MAP3K12: variants seen among roughly 807,000 people sequenced by gnomAD.
MAP3K12 encodes the protein MAPK-upstream kinase.
A neutral mutation model predicts 87.5 loss-of-function variants in MAP3K12; 14 were observed. The observed-to-expected ratio is 0.16, with a 90% CI of 0.11 to 0.25. MAP3K12 has a LOEUF of 0.25. MAP3K12 is among the 10% of genes least tolerant of loss of function. MAP3K12 has a pLI of 1.00. For missense variants in MAP3K12, 802 were observed against 1,140.4 expected (o/e 0.70, Z 4.27); for synonymous variants, 469 against 452.5 (o/e 1.04, Z -0.46).
rs1943073583 is a variant in MAP3K12, at chr12:53,482,178, T to G, written c.2343A>C (p.Leu781=). The G allele has an allele frequency of 6.2e-7, 1 of 1,614,106 alleles. No individual in the cohort carries two copies. Among genetic ancestry groups the G allele is most frequent in the Non-Finnish European group, 8.5e-7 (1 of 1,180,052 alleles). Residue 781 remains leucine (L), a synonymous_variant, in exon 13 of 14, where the codon CTA becomes CTC. Coordinates refer to ENST00000547488, the MANE Select transcript of MAP3K12 (RefSeq NM_001193511.2). ...WPQSLNMRQS[L]STFSSENPSD... ...ATGGATTCTCTGAGCTGAAGGTAGA[T>G]AGTGACTGGCGCATGTTCAGGCTCT...
upstream of MAP3K12, chr12:53,501,040 C>T (rs914032992): frequency 3.6e-6 from 1 of 275,796 alleles, no homozygotes; most frequent in East Asian, 9.0e-5. Flanking sequence ...GGCTTCCCCT[C>T]CGCTAGTACG....
At chr12:53,484,766 C>T (rs1943180186) in intron 6 of MAP3K12, 2 of 492,414 alleles carry the variant, frequency 4.1e-6, no homozygotes, top group Non-Finnish European at 7.3e-6. Flanking sequence ...ACCAACCATG[C>T]TTGGTGGTTA....
intron 4 of MAP3K12, chr12:53,485,844 C>T (rs1156903561): frequency 3.5e-6 from 2 of 576,430 alleles, no homozygotes; most frequent in Non-Finnish European, 6.0e-6. Context: ...GCGTGAGCCA[C>T]TGCATCCGGC....
rs747070768 is a variant in MAP3K12, at chr12:53,487,221, CCCA to C, written c.168_170del (p.Gly57del). The C allele has an allele frequency of 6.8e-6, 11 of 1,613,256 alleles. No individual in the cohort carries two copies. Among genetic ancestry groups the C allele is most frequent in the African/African-American group, 2.7e-5 (2 of 74,704 alleles). On this transcript the variant is annotated inframe_deletion, in exon 2 of 14. Transcript: ENST00000547488. ...AGGGGCTGGGCCCTCCCCCACCCTG[CCCA>C]CCAAGGGGTACCACATCTCGAAGTA...
intron 9 of MAP3K12, 24 bp downstream of exon 9, chr12:53,483,583 G>A (rs753140749): frequency 6.8e-6 from 11 of 1,613,912 alleles, no homozygotes; most frequent in Non-Finnish European, 9.3e-6. Context: ...CCAGGGCTTG[G>A]TGCATAAGGA....
chr12:53,491,301 A>AAAAG (rs1555212342), intron 1 of MAP3K12, among the ~76,000 whole-genome samples: 13 of 101,600 alleles, frequency 1.3e-4, no homozygotes, highest in Middle Eastern at 7.8e-3. Context: ...AAAAAAAAAA[A>AAAAG]AAAAGAAAAG....
chr12:53,483,263 C>G lies in MAP3K12; in HGVS notation c.1614-74G>C, dbSNP rs1002189211. 2.1e-5 allele frequency: 33 copies of G among 1,570,384 alleles called. No homozygotes were observed. In the African/African-American group the frequency reaches 4.2e-4, roughly 20 times the overall value. On this transcript the variant is annotated intron_variant, in intron 10 of 13. Coordinates refer to ENST00000547488, the MANE Select transcript of MAP3K12 (RefSeq NM_001193511.2). ...TCAAAGCACTCCCTAACCTTGGACACTAAAGTACACATCTCCCTGCTAATA... is the reference window on the plus strand; with the variant it reads ...TCAAAGCACTCCCTAACCTTGGACAGTAAAGTACACATCTCCCTGCTAATA...
In MAP3K12 at chr12:53,487,118, C is replaced by G; in HGVS notation, c.274G>C (p.Gly92Arg). The G allele has an allele frequency of 6.2e-7, 1 of 1,614,050 alleles. No individual in the cohort carries two copies. The highest frequency in any genetic ancestry group is 8.5e-7 in the Non-Finnish European group (1 of 1,180,006). ...QLHEQDAGGP[G>R]GAAGSPESRA... ...CTCTCAGGTGACCCAGCTGCTCCCC[C>G]TGGGCCCCCTGCATCCTGCTCATGT... Residue 92 changes from glycine to arginine, a missense_variant, in exon 2 of 14, where the codon GGG (glycine) becomes CGG (arginine). This residue lies in a region of MAP3K12 where 135 missense variants were observed against 151.6 expected (regional missense o/e 0.89). Coordinates refer to ENST00000547488, the MANE Select transcript of MAP3K12 (RefSeq NM_001193511.2).
At chr12:53,481,417 T>C (rs1943038766) in intron 13 of MAP3K12, 137 bp from the exon 14 acceptor site, 2 of 368,670 alleles carry the variant, frequency 5.4e-6, no homozygotes, top group East Asian at 9.6e-5. Flanking sequence ...TAGCACAATC[T>C]CGGCTCACTG....
intron 1 of MAP3K12, among the ~76,000 whole-genome samples, chr12:53,488,324 G>A (rs954756248): frequency 2.0e-5 from 3 of 152,148 alleles, no homozygotes; most frequent in Non-Finnish European, 4.4e-5. Context: ...AAACTTTCCA[G>A]GCAATGGAGA....
rs1232292217 is a variant in MAP3K12, at chr12:53,484,002, C to G, written c.1267G>C (p.Val423Leu). ...TTAATCTTTTCAAAGTGCAGTTTTA[C>G]TTCTTCCCGCCACTCTGCCTATGGG... ...FKSQAEWREEVKLHFEKIKSE... is the reference protein window; with the variant it reads ...FKSQAEWREELKLHFEKIKSE... Residue 423 changes from valine (V) to leucine (L), a missense_variant, in exon 8 of 14, where the codon GTA (valine) becomes CTA (leucine). Val to Leu is a conservative substitution (Grantham distance 32). This residue lies in a region of MAP3K12 where 99 missense variants were observed against 193.4 expected (regional missense o/e 0.51). Coordinates refer to ENST00000547488, the MANE Select transcript of MAP3K12 (RefSeq NM_001193511.2). 1 of 1,613,490 alleles carries G rather than the reference C, an allele frequency of 6.2e-7. No homozygotes were observed. Among genetic ancestry groups the G allele is most frequent in the African/African-American group, 1.3e-5 (1 of 75,028 alleles).
rs1823232026 is a variant in MAP3K12 at position 53,482,597 on chromosome 12, G to A, written c.2206C>T (p.Leu736=). 1.9e-6 allele frequency: 3 copies of A among 1,613,580 alleles called. No homozygotes were observed. Among genetic ancestry groups the A allele is most frequent in the Non-Finnish European group, 2.5e-6 (3 of 1,179,836 alleles). The part of the protein sequence containing the change: ...AGSQHLTPAA[L]LYRAAVTRSQ... ...CGGGTGACGGCAGCCCTGTACAGCAGTGCAGCTGGGGTCAAGTGCTGGGAC... is the reference window on the plus strand; with the variant it reads ...CGGGTGACGGCAGCCCTGTACAGCAATGCAGCTGGGGTCAAGTGCTGGGAC... Residue 736 remains leucine, a synonymous_variant, in exon 11 of 14, where the codon CTG becomes TTG. Coordinates refer to ENST00000547488, the MANE Select transcript of MAP3K12 (RefSeq NM_001193511.2).
In MAP3K12 at chr12:53,484,038, A is replaced by G. The variant is rs370578764; in HGVS notation, c.1249-18T>C. ...CACTCTGCCTATGGGTTGAGAGCAG[A>G]TGAAGAGTGAGAGCCATCCCTTCAC... On this transcript the variant is annotated intron_variant, in intron 7 of 13. Coordinates refer to ENST00000547488, the MANE Select transcript of MAP3K12 (RefSeq NM_001193511.2). 378 of 1,609,254 alleles carry G rather than the reference A, an allele frequency of 2.3e-4. 5 individuals are homozygous for G. Among genetic ancestry groups the G allele is most frequent in the South Asian group, 2.2e-3 (200 of 90,960 alleles).
rs1479290214 is a variant in MAP3K12 at position 53,483,651 on chromosome 12, A to G, written c.1431T>C (p.Asn477=). ...ERANNLYMEL[N]ALMLQLELKE... ...TGAGTTCCAGCTGCAACATGAGGGC[A>G]TTAAGTTCCATATACAGGTTGTTGG... The change falls in exon 9 of 14, where the codon AAT becomes AAC. Residue 477 remains asparagine, a synonymous_variant. Transcript: ENST00000547488. 6 of 1,613,940 alleles carry G rather than the reference A, an allele frequency of 3.7e-6. No individual in the cohort carries two copies. Among genetic ancestry groups the G allele is most frequent in the Middle Eastern group, 1.6e-4 (1 of 6,082 alleles).
chr12:53,487,081 C>T lies in MAP3K12; in HGVS notation c.311G>A (p.Arg104Lys), dbSNP rs201676663. ...AAGSPESRASRVRADEVRLQC... is the reference protein window; with the variant it reads ...AAGSPESRASKVRADEVRLQC... ...CAGTCGCACCTCGTCAGCTCGAACT[C>T]TGGATGCCCGACTCTCAGGTGACCC... The change falls in exon 2 of 14, where the codon AGA becomes AAA. Residue 104 changes from arginine (R) to lysine (K), a missense_variant. Transcript: ENST00000547488. 5 of 1,614,108 alleles carry T rather than the reference C, an allele frequency of 3.1e-6. No individual in the cohort carries two copies. The Admixed American group carries it at 8.3e-5, about 27-fold the overall frequency.
In MAP3K12 at chr12:53,495,434, C is replaced by A. The variant is rs370729048; in HGVS notation, c.-38+3993G>T. ...GACCATCCTGGCTAACATGGTGAAA[C>A]CCCGTTTCTACCAAAAATACAAAAA... On this transcript the variant is annotated intron_variant, in intron 1 of 13. Coordinates refer to ENST00000547488, the MANE Select transcript of MAP3K12 (RefSeq NM_001193511.2). 2.4e-4 allele frequency among the ~76,000 whole-genome samples: 34 copies of A among 143,940 alleles called. 1 individual carries two copies. The highest frequency in any genetic ancestry group is 8.4e-4 in the African/African-American group (33 of 39,356). The allele number at this position is 143,940 out of a possible 152,430, so 94.4% of individuals were successfully genotyped here. A position where few individuals can be genotyped will look rare whatever the true frequency, so the allele number is the denominator to read the frequency against.
intron 1 of MAP3K12, among the ~76,000 whole-genome samples, chr12:53,498,908 CTGTGTGTGTGTGTG>C (rs71068135): frequency 1.8e-4 from 19 of 108,406 alleles, no homozygotes; most frequent in African/African-American, 4.5e-4. Context: ...GTCCAGCCTG[CTGTGTGTGTGTGTG>C]TGTGTGTGTG....
rs375915516 is a variant in MAP3K12, at chr12:53,483,496, C to A, written c.1476-10G>T. 35 of 1,614,034 alleles carry A rather than the reference C, an allele frequency of 2.2e-5. No homozygotes were observed. The highest frequency in any genetic ancestry group is 3.3e-5 in the Admixed American group (2 of 60,008). ...TAAAGCTTGCTCTCGCCTAAAGATC[C>A]AGGCACCTTCTCAGCTGGGCAAATG... On this transcript the variant is annotated splice_polypyrimidine_tract_variant and intron_variant, in intron 9 of 13. Coordinates refer to ENST00000547488, the MANE Select transcript of MAP3K12 (RefSeq NM_001193511.2).
chr12:53,497,286 T>G (rs1291944045), intron 1 of MAP3K12, among the ~76,000 whole-genome samples: 3 of 152,188 alleles, frequency 2.0e-5, no homozygotes, highest in Non-Finnish European at 4.4e-5. Context: ...ACTTGTAAGT[T>G]TTTTATGAAT....
Sources: gnomAD v4.1 joint callset for allele counts (sites outside exome capture counted in the v4.1 genomes callset) on GRCh38, gnomAD v4.1.1 for gene constraint, gnomAD v4.1.1 regional missense constraint, MANE v1.5 for transcripts, NCBI Gene and HGNC (gene_info 2026-07-23, HGNC 2026-07-21) for gene names.